NTN1: variants seen among roughly 807,000 people sequenced by gnomAD.
NTN1 encodes the protein netrin-1.
In NTN1, 11 loss-of-function variants were observed where a neutral mutation model predicts 54.2. The ratio of observed to expected loss-of-function variants is 0.20; its 90% CI spans 0.13 to 0.34. The LOEUF is 0.34. Ranked by LOEUF, NTN1 falls within the 10% of genes least tolerant of loss-of-function variation. The pLI, the probability that NTN1 is intolerant of heterozygous loss-of-function variation, is 1.00. For synonymous variants in NTN1, 371 were observed against 382.0 expected (o/e 0.97, Z 0.33); for missense variants, 740 against 893.1 (o/e 0.83, Z 2.18).
intron 2 of NTN1, among the ~76,000 whole-genome samples, chr17:9,106,007 A>G (rs537822561): frequency 1.2e-4 from 19 of 152,268 alleles, no homozygotes; most frequent in South Asian, 2.1e-4. Flanking sequence ...TGGCCCCCCA[A>G]CCAGCAGCGT....
rs2092421542 is a variant in NTN1, at chr17:9,182,576, G to C, written c.1358-340G>C. Reference sequence around the variant, plus strand: ...GTAGCCACATCACGATGAGCAGAGTGGCCTGGGGAAGCCTCTCTCCATACC... The same window carrying C: ...GTAGCCACATCACGATGAGCAGAGTCGCCTGGGGAAGCCTCTCTCCATACC... On this transcript the variant is annotated intron_variant, in intron 4 of 6. Transcript: ENST00000173229. 3.3e-5 allele frequency among the ~76,000 whole-genome samples: 5 copies of C among 152,342 alleles called. No individual in the cohort carries two copies. The South Asian group carries it at 1.0e-3, about 32-fold the overall frequency.
At chr17:9,007,736 C>T in the NTN1 span, among the ~76,000 whole-genome samples, 1,388 of 148,350 alleles carry the variant, frequency 9.4e-3, 53 homozygotes, top group Admixed American at 0.067. Context: ...TTCTTGCTTG[C>T]TTGCTTGCTT....
chr17:9,183,440 A>C (rs757164393), intron 5 of NTN1: 11 of 402,850 alleles, frequency 2.7e-5, no homozygotes, highest in Admixed American at 1.3e-4. Context: ...TCTAACTAAA[A>C]ATTTAGCATT....
In NTN1 at chr17:9,022,373, C is replaced by G. The variant is rs1263727344; in HGVS notation, c.-1C>G. 2 of 1,308,494 alleles carry G rather than the reference C, an allele frequency of 1.5e-6. No homozygotes were observed. Among genetic ancestry groups the G allele is most frequent in the Non-Finnish European group, 9.6e-7 (1 of 1,037,402 alleles). The allele number at this position is 1,308,494 out of a possible 1,614,324, so 81.1% of individuals were successfully genotyped here. A position where few individuals can be genotyped will look rare whatever the true frequency, so the allele number is the denominator to read the frequency against. On this transcript the variant is annotated 5_prime_UTR_variant, in exon 2 of 7. Transcript: ENST00000173229. ...CAGGGCCGGGGCAAGCTGGACGCAG[C>G]ATGATGCGCGCAGTGTGGGAGGCGC...
rs539940433 is a variant in NTN1, at chr17:9,122,578, C to T, written c.1019-40235C>T. 7.2e-5 allele frequency among the ~76,000 whole-genome samples: 11 copies of T among 152,262 alleles called. No individual in the cohort carries two copies. The South Asian group carries it at 2.3e-3, about 32-fold the overall frequency. On this transcript the variant is annotated intron_variant, in intron 2 of 6. Transcript: ENST00000173229. ...TTGGGTTGTTAGGCATCGCCCAGCC[C>T]CTCATCTTGTGCTTTTGTTTCTGCT... is the stretch of plus-strand genomic sequence containing the variant.
intron 5 of NTN1, chr17:9,183,242 C>T (rs1462739404): frequency 4.5e-6 from 3 of 663,844 alleles, no homozygotes; most frequent in African/African-American, 3.6e-5. Flanking sequence ...TCTACTTGTC[C>T]ACCAGCTGCC....
chr17:9,163,023 G>C (rs563402359), intron 3 of NTN1, 22 bp downstream of exon 3: 11 of 1,569,478 alleles, frequency 7.0e-6, no homozygotes, highest in Admixed American at 5.5e-5. Context: ...GTGGCGGGGC[G>C]GGGGGCTGGG....
intron 2 of NTN1, among the ~76,000 whole-genome samples, chr17:9,025,489 T>C (rs1436586889): frequency 6.6e-6 from 1 of 152,256 alleles, no homozygotes; most frequent in Non-Finnish European, 1.5e-5. Flanking sequence ...AACAATATTT[T>C]TCTGGGTTTT....
chr17:9,007,859 G>A, the NTN1 span, among the ~76,000 whole-genome samples: 1 of 151,852 alleles, frequency 6.6e-6, no homozygotes, highest in Non-Finnish European at 1.5e-5. Context: ...AGCCTTCCAA[G>A]TAGCAGGGAC....
At chr17:9,094,991 A>C (rs1429816512) in intron 2 of NTN1, among the ~76,000 whole-genome samples, 6 of 22,754 alleles carry the variant, frequency 2.6e-4, no homozygotes, top group Non-Finnish European at 4.7e-4. Context: ...TCCGTCTCAA[A>C]AAAAAAAAAA....
intron 2 of NTN1, among the ~76,000 whole-genome samples, chr17:9,119,804 T>C (rs1311858232): frequency 6.6e-6 from 1 of 152,166 alleles, no homozygotes; most frequent in East Asian, 1.9e-4. Flanking sequence ...GGCCTGGCCT[T>C]TTTTTATTTT....
At chr17:9,041,917 G>A (rs1410818440) in intron 2 of NTN1, among the ~76,000 whole-genome samples, 1 of 151,930 alleles carries the variant, frequency 6.6e-6, no homozygotes, top group Non-Finnish European at 1.5e-5. Context: ...GCTGAGGCAT[G>A]AGAATTGCTT....
chr17:9,037,384 C>T (rs139985354), intron 2 of NTN1, among the ~76,000 whole-genome samples: 3,285 of 152,144 alleles, frequency 0.022, 52 homozygotes, highest in Non-Finnish European at 0.031. Context: ...TGAATGATTT[C>T]CTTATGTGTT....
chr17:9,011,600 AT>A, the NTN1 span, among the ~76,000 whole-genome samples: 1 of 151,684 alleles, frequency 6.6e-6, no homozygotes, highest in Non-Finnish European at 1.5e-5. Flanking sequence ...TTGGGGGGGC[AT>A]TTTTTTTGAG....
intron 2 of NTN1, among the ~76,000 whole-genome samples, chr17:9,123,403 T>C (rs2092237012): frequency 6.6e-6 from 1 of 152,258 alleles, no homozygotes. Context: ...CCGTCCATCT[T>C]TTGTCCTACA....
chr17:9,036,775 C>T (rs546859915), intron 2 of NTN1, among the ~76,000 whole-genome samples: 4 of 152,248 alleles, frequency 2.6e-5, no homozygotes, highest in African/African-American at 7.2e-5. Context: ...AACGAACTCA[C>T]CCCATTCCCT....
chr17:9,224,064 A>G (rs535672814), intron 6 of NTN1, among the ~76,000 whole-genome samples: 2 of 152,292 alleles, frequency 1.3e-5, no homozygotes, highest in Non-Finnish European at 2.9e-5. Context: ...TTCTTTAATC[A>G]TGAAATCATG....
rs1005558493 is a variant in NTN1, at chr17:9,119,579, G to A, written c.1019-43234G>A. ...AGTGGTGCAGTCATGGCTCACTGCA[G>A]CCTCAAACTCCTGGGCGTAAATGAT... is the stretch of plus-strand genomic sequence containing the variant. On this transcript the variant is annotated intron_variant, in intron 2 of 6. Coordinates refer to ENST00000173229, the MANE Select transcript of NTN1 (RefSeq NM_004822.3). Among the ~76,000 whole-genome samples the A allele has an allele frequency of 2.0e-5, 3 of 151,196 alleles. No individual in the cohort carries two copies. The South Asian group carries it at 6.2e-4, about 31-fold the overall frequency.
At chr17:9,015,011 T>C in the NTN1 span, among the ~76,000 whole-genome samples, 1 of 152,246 alleles carries the variant, frequency 6.6e-6, no homozygotes, top group South Asian at 2.1e-4. Context: ...GACACAATAA[T>C]ATACCTATCT....
Sources: gnomAD v4.1 joint callset for allele counts (sites outside exome capture counted in the v4.1 genomes callset) on GRCh38, gnomAD v4.1.1 for gene constraint, MANE v1.5 for transcripts, NCBI Gene and HGNC (gene_info 2026-07-23, HGNC 2026-07-21) for gene names.